Variants in LRRC4C observed in about 807,000 individuals in gnomAD.
LRRC4C encodes leucine rich repeat containing 4C.
LRRC4C carries 5 observed loss-of-function variants against 33.6 expected under a neutral mutation model. The ratio of observed to expected loss-of-function variants is 0.15; its 90% CI spans 0.08 to 0.31. The LOEUF (loss-of-function observed/expected upper bound fraction) is 0.31. LRRC4C is among the 10% of genes least tolerant of loss of function. The pLI, the probability that LRRC4C is intolerant of heterozygous loss-of-function variation, is 1.00. For missense variants in LRRC4C, 560 were observed against 796.7 expected, an observed-to-expected ratio of 0.70 and a Z score of 3.58; for synonymous variants, 329 against 302.0, an observed-to-expected ratio of 1.09 and a Z score of -0.93.
intron 3 of LRRC4C, among the ~76,000 whole-genome samples, chr11:40,410,478 C>G (rs1473487575): frequency 1.3e-5 from 2 of 152,078 alleles, no homozygotes; most frequent in African/African-American, 2.4e-5. Flanking sequence ...GTAATGAACA[C>G]TGTGTGTAGA....
At chr11:40,750,327 G>C (rs1948620222) in intron 2 of LRRC4C, among the ~76,000 whole-genome samples, 1 of 152,044 alleles carries the variant, frequency 6.6e-6, no homozygotes. Flanking sequence ...AAATTGAAGA[G>C]GAGGGAATTC....
At chr11:41,418,771 T>C (rs1205566546) in intron 1 of LRRC4C, among the ~76,000 whole-genome samples, 3 of 152,102 alleles carry the variant, frequency 2.0e-5, no homozygotes, top group African/African-American at 7.2e-5. Context: ...ATATGTTAAA[T>C]TGGGACAATG....
intron 1 of LRRC4C, among the ~76,000 whole-genome samples, chr11:41,347,150 G>T (rs899672982): frequency 3.9e-5 from 6 of 152,172 alleles, no homozygotes; most frequent in African/African-American, 9.7e-5. Context: ...CGTTATGGTA[G>T]TACACATGGC....
intron 1 of LRRC4C, among the ~76,000 whole-genome samples, chr11:41,217,158 A>T (rs1947097493): frequency 6.6e-6 from 1 of 152,198 alleles, no homozygotes; most frequent in Non-Finnish European, 1.5e-5. Context: ...CATATAATGA[A>T]TGGACTATAA....
At chr11:40,135,357 G>T (rs909538615) in intron 6 of LRRC4C, among the ~76,000 whole-genome samples, 1 of 152,116 alleles carries the variant, frequency 6.6e-6, no homozygotes, top group Admixed American at 6.5e-5. Context: ...TCCTATATTT[G>T]CTCTTAGTTA....
At chr11:41,409,842 A>C (rs1016948427) in intron 1 of LRRC4C, among the ~76,000 whole-genome samples, 1 of 152,216 alleles carries the variant, frequency 6.6e-6, no homozygotes, top group African/African-American at 2.4e-5. Flanking sequence ...AAAAAAATGA[A>C]CTGAATATTT....
chr11:41,264,708 C>T (rs1346560248), intron 1 of LRRC4C, among the ~76,000 whole-genome samples: 5 of 152,000 alleles, frequency 3.3e-5, no homozygotes, highest in African/African-American at 4.8e-5. Flanking sequence ...GATATCTAGA[C>T]GAAGTTATTC....
rs1293193279 is a variant in LRRC4C at position 41,349,185 on chromosome 11, T to G, written c.-496+110246A>C. ...ACTACCCAGCCAAGGTGCTTGCCAGTGGCCACCATTGGCAGACCTTATCTA... is the reference window on the plus strand; with the variant it reads ...ACTACCCAGCCAAGGTGCTTGCCAGGGGCCACCATTGGCAGACCTTATCTA... On this transcript the variant is annotated intron_variant, in intron 1 of 6. Coordinates refer to ENST00000528697, the MANE Select transcript of LRRC4C (RefSeq NM_001258419.2). Among the ~76,000 whole-genome samples the G allele has an allele frequency of 3.3e-5, 5 of 152,280 alleles. No individual in the cohort carries two copies. In the East Asian group the frequency reaches 7.8e-4, roughly 24 times the overall value.
chr11:40,923,483 A>C (rs749461537), intron 2 of LRRC4C, among the ~76,000 whole-genome samples: 1 of 152,190 alleles, frequency 6.6e-6, no homozygotes, highest in Non-Finnish European at 1.5e-5. Flanking sequence ...TGAAGAATTT[A>C]ACAGTCAATG....
chr11:40,592,395 T>A (rs1016114796), intron 3 of LRRC4C, among the ~76,000 whole-genome samples: 2 of 152,094 alleles, frequency 1.3e-5, no homozygotes, highest in African/African-American at 4.8e-5. Flanking sequence ...AATAAATAGG[T>A]CTGGGATGGG....
chr11:41,238,492 G>A (rs1948116008), intron 1 of LRRC4C, among the ~76,000 whole-genome samples: 1 of 152,190 alleles, frequency 6.6e-6, no homozygotes, highest in Admixed American at 6.5e-5. Flanking sequence ...GAGAGGTCCA[G>A]CTACTGTCCT....
intron 2 of LRRC4C, among the ~76,000 whole-genome samples, chr11:40,804,770 T>G (rs1252074155): frequency 6.6e-6 from 1 of 152,206 alleles, no homozygotes; most frequent in Non-Finnish European, 1.5e-5. Context: ...AAATTATTTT[T>G]TTTTCTCACT....
intron 1 of LRRC4C, among the ~76,000 whole-genome samples, chr11:41,097,496 C>T (rs536430477): frequency 4.1e-4 from 62 of 152,186 alleles, no homozygotes; most frequent in African/African-American, 1.4e-3. Flanking sequence ...TTTGAGGGGG[C>T]TCCCAAGATG....
intron 3 of LRRC4C, among the ~76,000 whole-genome samples, chr11:40,582,563 C>T (rs1430336202): frequency 1.4e-5 from 2 of 143,190 alleles, no homozygotes; most frequent in Non-Finnish European, 3.0e-5. Flanking sequence ...GTTGCCCAGG[C>T]TGGAGTGCAG....
At chr11:40,953,755 T>C (rs1246797440) in intron 1 of LRRC4C, among the ~76,000 whole-genome samples, 1 of 151,890 alleles carries the variant, frequency 6.6e-6, no homozygotes, top group Non-Finnish European at 1.5e-5. Flanking sequence ...AAACAGCCTT[T>C]AAGCCTTCTT....
chr11:40,264,485 A>C lies in LRRC4C; in HGVS notation c.-175-22887T>G, dbSNP rs534131804. On this transcript the variant is annotated intron_variant, in intron 4 of 6. Transcript: ENST00000528697. ...CAAAAAACACAGCACAGTGAGAAAA[A>C]GAAGAGCTGAAAAAGAGCTACCTGC... 1.1e-4 allele frequency among the ~76,000 whole-genome samples: 16 copies of C among 152,308 alleles called. 1 individual carries two copies. In the East Asian group the frequency reaches 3.1e-3, roughly 29 times the overall value.
chr11:41,013,056 A>G lies in LRRC4C; in HGVS notation c.-495-79333T>C, dbSNP rs116766849. Among the ~76,000 whole-genome samples, 852 of 152,332 alleles carry G rather than the reference A, an allele frequency of 5.6e-3. 6 individuals are homozygous for G. The highest frequency in any genetic ancestry group is 0.017 in the African/African-American group (703 of 41,578). On this transcript the variant is annotated intron_variant, in intron 1 of 6. Coordinates refer to ENST00000528697, the MANE Select transcript of LRRC4C (RefSeq NM_001258419.2). ...TCTCTTCACTTTGTGCACTTAATAC[A>G]TAATTCACAGGATTGTTTTAAGGAA...
intron 1 of LRRC4C, among the ~76,000 whole-genome samples, chr11:41,050,319 T>G (rs1423437933): frequency 6.6e-6 from 1 of 152,134 alleles, no homozygotes; most frequent in Non-Finnish European, 1.5e-5. Flanking sequence ...GATGAAAAAG[T>G]ACATAGCTAT....
At chr11:40,624,323 C>T (rs1381059047) in intron 3 of LRRC4C, among the ~76,000 whole-genome samples, 1 of 152,102 alleles carries the variant, frequency 6.6e-6, no homozygotes, top group Admixed American at 6.6e-5. Flanking sequence ...TAGTCTTTAG[C>T]TCATTTTGTC....
Sources: allele counts gnomAD v4.1 joint callset (sites outside exome capture counted in the v4.1 genomes callset), GRCh38; gene constraint gnomAD v4.1.1; transcripts MANE v1.5; gene names NCBI Gene and HGNC (gene_info 2026-07-23, HGNC 2026-07-21).